Variants in RAD51B observed in about 807,000 individuals in gnomAD.
RAD51B encodes DNA repair protein RAD51 homolog 2.
RAD51B carries 38 observed loss-of-function variants against 42.2 expected under a neutral mutation model. That is an observed-to-expected ratio of 0.90 (90% CI 0.70 to 1.18). RAD51B has a LOEUF of 1.18. Ranked by LOEUF, RAD51B falls within the 50% of genes most tolerant of loss-of-function variation. The pLI, the probability that RAD51B is intolerant of heterozygous loss-of-function variation, is 0.00. For synonymous variants in RAD51B, 154 were observed against 145.2 expected (o/e 1.06, Z -0.43); for missense variants, 373 against 400.7 (o/e 0.93, Z 0.59).
chr14:68,020,594 T>A (rs1420480445), intron 7 of RAD51B, among the ~76,000 whole-genome samples: 2 of 152,120 alleles, frequency 1.3e-5, no homozygotes, highest in African/African-American at 4.8e-5. Flanking sequence ...CTGTTCAGAC[T>A]TTTTCTGTTA....
chr14:68,349,231 A>G (rs538660009), intron 8 of RAD51B, among the ~76,000 whole-genome samples: 1 of 152,356 alleles, frequency 6.6e-6, no homozygotes, highest in South Asian at 2.1e-4. Flanking sequence ...ATATAGGCCA[A>G]ATGGACATTG....
chr14:68,250,720 A>G (rs972141800), intron 7 of RAD51B, among the ~76,000 whole-genome samples: 3 of 152,146 alleles, frequency 2.0e-5, no homozygotes, highest in African/African-American at 7.2e-5. Flanking sequence ...CCTCATACCT[A>G]CATCTCAATG....
rs569410431 is a variant in RAD51B at position 68,159,805 on chromosome 14, A to G, written c.757-132079A>G. Among the ~76,000 whole-genome samples the G allele has an allele frequency of 4.2e-4, 64 of 152,154 alleles. 1 individual carries two copies. Among genetic ancestry groups the G allele is most frequent in the Admixed American group, 1.5e-3 (23 of 15,298 alleles). ...CTTACTCCCGTTCCAGATGTTTGTCATGTGCTTTGTTGTCAATTTTAGATT... is the reference window on the plus strand; with the variant it reads ...CTTACTCCCGTTCCAGATGTTTGTCGTGTGCTTTGTTGTCAATTTTAGATT... On this transcript the variant is annotated intron_variant, in intron 7 of 10. Coordinates refer to ENST00000471583, the MANE Select transcript of RAD51B (RefSeq NM_133510.4).
intron 7 of RAD51B, among the ~76,000 whole-genome samples, chr14:67,904,934 GT>G (rs567202391): frequency 9.9e-4 from 137 of 138,376 alleles, no homozygotes; most frequent in East Asian, 5.8e-3. Flanking sequence ...CTATTTGTCA[GT>G]TTTTTTTTTT....
intron 7 of RAD51B, among the ~76,000 whole-genome samples, chr14:68,079,589 G>C (rs545121327): frequency 6.6e-6 from 1 of 152,254 alleles, no homozygotes; most frequent in African/African-American, 2.4e-5. Context: ...GAATGTGAAT[G>C]AGCCTGCCTT....
chr14:68,278,633 C>T (rs959583352), intron 7 of RAD51B, among the ~76,000 whole-genome samples: 25 of 152,136 alleles, frequency 1.6e-4, no homozygotes, highest in Non-Finnish European at 3.1e-4. Flanking sequence ...GGTCAGCATG[C>T]GGTAGAGGGC....
intron 10 of RAD51B, among the ~76,000 whole-genome samples, chr14:68,484,023 ATTTTGGTGAC>A (rs1173249807): frequency 6.6e-6 from 1 of 152,234 alleles, no homozygotes; most frequent in African/African-American, 2.4e-5. Flanking sequence ...GTGGACCTGG[ATTTTGGTGAC>A]TTAACAGGGA....
chr14:68,397,435 C>T (rs545887107), intron 8 of RAD51B, among the ~76,000 whole-genome samples: 4 of 152,386 alleles, frequency 2.6e-5, no homozygotes, highest in Non-Finnish European at 5.9e-5. Flanking sequence ...CCTGAAAGTA[C>T]TTGACTGCCC....
intron 8 of RAD51B, among the ~76,000 whole-genome samples, chr14:68,363,431 T>C (rs2083072484): frequency 6.6e-6 from 1 of 152,194 alleles, no homozygotes; most frequent in Non-Finnish European, 1.5e-5. Context: ...TGTTAATATA[T>C]CATGTTTTAT....
chr14:68,657,375 C>G (rs1892838179), intron 11 of RAD51B, among the ~76,000 whole-genome samples: 1 of 152,212 alleles, frequency 6.6e-6, no homozygotes, highest in South Asian at 2.1e-4. Flanking sequence ...AAGACAGGAT[C>G]TCGCTATATT....
intron 4 of RAD51B, among the ~76,000 whole-genome samples, chr14:67,860,997 C>T (rs1010067715): frequency 2.0e-5 from 3 of 151,922 alleles, no homozygotes; most frequent in Non-Finnish European, 4.4e-5. Flanking sequence ...AGTTCAAGAC[C>T]ATCCTGGGCA....
At chr14:68,524,032 G>T (rs1886762860) in intron 10 of RAD51B, among the ~76,000 whole-genome samples, 1 of 152,100 alleles carries the variant, frequency 6.6e-6, no homozygotes, top group African/African-American at 2.4e-5. Context: ...AACAGCTATG[G>T]TGTATCACAG....
intron 10 of RAD51B, among the ~76,000 whole-genome samples, chr14:68,475,287 A>T (rs1397993720): frequency 6.6e-6 from 1 of 152,242 alleles, no homozygotes; most frequent in East Asian, 1.9e-4. Flanking sequence ...ATTCGGTGAC[A>T]CAGCCCTTTC....
chr14:68,582,956 C>T (rs1890278040), intron 10 of RAD51B, among the ~76,000 whole-genome samples: 1 of 151,934 alleles, frequency 6.6e-6, no homozygotes, highest in African/African-American at 2.4e-5. Context: ...TGAACAATAA[C>T]ACATGGACAC....
chr14:67,862,879 A>G (rs28473357), intron 4 of RAD51B, among the ~76,000 whole-genome samples: 7,782 of 152,096 alleles, frequency 0.051, 454 homozygotes, highest in African/African-American at 0.15. Flanking sequence ...TTTAATTCAT[A>G]CTTTGTGTGT....
At chr14:68,051,240 AT>A (rs2076388242) in intron 7 of RAD51B, among the ~76,000 whole-genome samples, 1 of 152,096 alleles carries the variant, frequency 6.6e-6, no homozygotes, top group African/African-American at 2.4e-5. Context: ...GAAAAAGATT[AT>A]CTACTTCTTA....
At chr14:68,513,761 C>A (rs959664214) in intron 10 of RAD51B, among the ~76,000 whole-genome samples, 26 of 152,184 alleles carry the variant, frequency 1.7e-4, no homozygotes, top group African/African-American at 6.0e-4. Context: ...AGCTACTGAA[C>A]CTCCCAGAGC....
chr14:68,279,643 C>T (rs1313780058), intron 7 of RAD51B, among the ~76,000 whole-genome samples: 1 of 152,150 alleles, frequency 6.6e-6, no homozygotes, highest in Admixed American at 6.5e-5. Flanking sequence ...ATACTTCATG[C>T]GCTGGTTCCC....
chr14:68,317,458 C>T (rs903628311), intron 8 of RAD51B, among the ~76,000 whole-genome samples: 28 of 150,518 alleles, frequency 1.9e-4, no homozygotes, highest in African/African-American at 5.0e-4. Flanking sequence ...GGTAAAGTGC[C>T]GTGTGATGTC....
Sources: gnomAD v4.1 joint callset for allele counts (sites outside exome capture counted in the v4.1 genomes callset) on GRCh38, gnomAD v4.1.1 for gene constraint, MANE v1.5 for transcripts, NCBI Gene and HGNC (gene_info 2026-07-23, HGNC 2026-07-21) for gene names.